Variants in SLC66A1 observed in about 807,000 individuals in gnomAD.
SLC66A1 encodes the protein solute carrier family 66 member 1, also known as lysosomal amino acid transporter 1 homolog.
In SLC66A1, 23 loss-of-function variants were observed where a neutral mutation model predicts 33.0. The ratio of observed to expected loss-of-function variants is 0.70; its 90% CI spans 0.50 to 0.99. SLC66A1 has a LOEUF of 0.99. Ranked by LOEUF, SLC66A1 falls within the 50% of genes least tolerant of loss-of-function variation. The pLI, the probability that SLC66A1 is intolerant of heterozygous loss-of-function variation, is 0.00. For synonymous variants in SLC66A1, 164 were observed against 175.5 expected, an observed-to-expected ratio of 0.93 and a Z score of 0.52; for missense variants, 335 against 383.6, an observed-to-expected ratio of 0.87 and a Z score of 1.06.
rs1328168324 is a variant in SLC66A1 at position 19,328,228 on chromosome 1, T to C, written c.805-344T>C. On this transcript the variant is annotated intron_variant, in intron 7 of 7. Transcript: ENST00000375153. The surrounding 1 kb of genome is among the most constrained non-coding windows in gnomAD (Gnocchi z 4.7). The stretch of plus-strand genomic sequence containing the variant: ...CAGGGAGGGGTGAAAGTTTAGGCTC[T>C]TGTGCCCCAAAACGGCCCAGCCACC... 5 of 455,048 alleles carry C rather than the reference T, an allele frequency of 1.1e-5. No homozygotes were observed. Among genetic ancestry groups the C allele is most frequent in the African/African-American group, 9.9e-5 (5 of 50,262 alleles). 28.2% of individuals were successfully genotyped at this position (455,048 alleles called of 1,614,324 possible).
chr1:19,333,289 C>T (rs2093897271), downstream of SLC66A1, among the ~76,000 whole-genome samples: 1 of 152,118 alleles, frequency 6.6e-6, no homozygotes, highest in Non-Finnish European at 1.5e-5. The surrounding 1 kb of genome is among the most constrained non-coding windows in gnomAD (Gnocchi z 4.2). Flanking sequence ...CTTACTGCAG[C>T]CTCCACCTCC....
intron 4 of SLC66A1, 107 bp from the exon 5 acceptor site, chr1:19,326,138 C>G: frequency 9.1e-7 from 1 of 1,095,278 alleles, no homozygotes; most frequent in South Asian, 1.5e-5. Context: ...GGTCACTTGC[C>G]CAAGGTCACA....
intron 1 of SLC66A1, among the ~76,000 whole-genome samples, chr1:19,316,408 A>G: frequency 6.6e-6 from 1 of 150,442 alleles, no homozygotes; most frequent in African/African-American, 2.5e-5. Context: ...CTTTTAAGAC[A>G]GGGTTCAGCT....
intron 1 of SLC66A1, among the ~76,000 whole-genome samples, chr1:19,317,247 T>TG (rs1261371320): frequency 6.6e-6 from 1 of 152,138 alleles, no homozygotes; most frequent in African/African-American, 2.4e-5. Context: ...CAGCTGTATG[T>TG]GGGAGGCAGC....
In SLC66A1 at chr1:19,326,378, G is replaced by C. The variant is rs77915465; in HGVS notation, c.516G>C (p.Ser172=). 4.4e-6 allele frequency: 7 copies of C among 1,606,576 alleles called. No homozygotes were observed. The highest frequency in any genetic ancestry group is 3.3e-5 in the Admixed American group (2 of 59,788). The change falls in exon 5 of 8, where the codon TCG becomes TCC. Residue 172 remains serine (S), a synonymous_variant. Transcript: ENST00000375153. ...FRGRALLSVE[S]GSKPFTRQEV... ...GGCGGGCGCTCCTGTCCGTGGAGTC[G>C]GGCAGCAAGGTGAGGCGTGGGCGTG... is the stretch of plus-strand genomic sequence containing the variant.
chr1:19,328,850 T>G lies in SLC66A1; in HGVS notation c.*207T>G. 3.3e-6 allele frequency: 2 copies of G among 605,216 alleles called. No individual in the cohort carries two copies. The highest frequency in any genetic ancestry group is 5.8e-6 in the Non-Finnish European group (2 of 343,624). 37.5% of individuals were successfully genotyped at this position (605,216 alleles called of 1,614,324 possible). On this transcript the variant is annotated 3_prime_UTR_variant, in exon 8 of 8. Transcript: ENST00000375153. This position sits in a 1 kb window ranked among gnomAD's most constrained non-coding sequence, Gnocchi z 4.7. ...GGGCTGGAGCGGAGACCCCAGGGCC[T>G]CTCAGGAGACAGTGAGGCTGCCCCT... is the stretch of plus-strand genomic sequence containing the variant.
downstream of SLC66A1, among the ~76,000 whole-genome samples, chr1:19,333,899 CAAACAAAACA>C (rs71008144): frequency 2.8e-3 from 271 of 98,376 alleles, 1 homozygote; most frequent in East Asian, 0.012. This position sits in a 1 kb window ranked among gnomAD's most constrained non-coding sequence, Gnocchi z 4.2. Flanking sequence ...GACCTTGTCT[CAAACAAAACA>C]AAACAAAACA....
intron 2 of SLC66A1, among the ~76,000 whole-genome samples, chr1:19,318,283 C>T (rs889569805): frequency 3.3e-5 from 5 of 152,200 alleles, no homozygotes; most frequent in African/African-American, 1.2e-4. Context: ...AACACAACCT[C>T]TGTCCTCCAG....
At chr1:19,323,984 G>C (rs1004080357) in intron 2 of SLC66A1, among the ~76,000 whole-genome samples, 4 of 152,188 alleles carry the variant, frequency 2.6e-5, no homozygotes, top group Non-Finnish European at 4.4e-5. Context: ...CGCCAGCTTT[G>C]GCCTCGTACC....
At chr1:19,333,117 G>C (rs2093897031), downstream of SLC66A1, among the ~76,000 whole-genome samples, 1 of 152,242 alleles carries the variant, frequency 6.6e-6, no homozygotes, top group Non-Finnish European at 1.5e-5. This position sits in a 1 kb window ranked among gnomAD's most constrained non-coding sequence, Gnocchi z 4.2. Flanking sequence ...CAGCAAAGCA[G>C]AAGGGATGGT....
chr1:19,332,936 C>A (rs1384460076), downstream of SLC66A1, among the ~76,000 whole-genome samples: 1 of 152,218 alleles, frequency 6.6e-6, no homozygotes, highest in Non-Finnish European at 1.5e-5. Context: ...CAGGCACCCC[C>A]AGAGGTCCCC....
intron 2 of SLC66A1, among the ~76,000 whole-genome samples, chr1:19,321,307 C>G (rs2093836285): frequency 6.8e-6 from 1 of 146,452 alleles, no homozygotes; most frequent in South Asian, 2.1e-4. Context: ...TCTTGAGTAA[C>G]TGGGACCACA....
chr1:19,320,574 T>A (rs537390328), intron 2 of SLC66A1, among the ~76,000 whole-genome samples: 2 of 144,610 alleles, frequency 1.4e-5, no homozygotes, highest in Non-Finnish European at 3.0e-5. Context: ...CCACCACGCC[T>A]GGCTAATTTT....
downstream of SLC66A1, among the ~76,000 whole-genome samples, chr1:19,332,508 G>A (rs745659217): frequency 1.6e-4 from 24 of 152,180 alleles, no homozygotes; most frequent in African/African-American, 3.9e-4. Flanking sequence ...AGTGGTTCAC[G>A]CCTGTATTCC....
chr1:19,316,109 G>A (rs1250107650), intron 1 of SLC66A1, among the ~76,000 whole-genome samples: 2 of 152,160 alleles, frequency 1.3e-5, no homozygotes, highest in Non-Finnish European at 2.9e-5. Flanking sequence ...CAGGGTGCCC[G>A]GGTAGCGGGA....
intron 2 of SLC66A1, among the ~76,000 whole-genome samples, chr1:19,323,476 G>A (rs141317121): frequency 0.047 from 7,085 of 151,548 alleles, 219 homozygotes; most frequent in Middle Eastern, 0.072. Flanking sequence ...GTGTGATCTC[G>A]GCTTACTGCA....
At position 19,321,755 on chromosome 1, in the gene SLC66A1, T is replaced by C. The variant is rs548683406; in HGVS notation, c.165-2878T>C. On this transcript the variant is annotated intron_variant, in intron 2 of 7. Transcript: ENST00000375153. ...CAAATTTTTGCATTTTTAGTAAAGA[T>C]GGGGTTTCACCATGTTGGCTAGGCT... 3.0e-3 allele frequency among the ~76,000 whole-genome samples: 456 copies of C among 149,612 alleles called. 43 individuals are homozygous for C. The highest frequency in any genetic ancestry group is 0.011 in the African/African-American group (432 of 39,150).
chr1:19,313,528 A>G (rs2093788881), intron 1 of SLC66A1, among the ~76,000 whole-genome samples: 2 of 152,126 alleles, frequency 1.3e-5, no homozygotes, highest in Admixed American at 6.6e-5. Context: ...GGACAAGGGG[A>G]GAGGAGGAGG....
At chr1:19,323,682 C>G (rs1569779587) in intron 2 of SLC66A1, among the ~76,000 whole-genome samples, 1 of 143,054 alleles carries the variant, frequency 7.0e-6, no homozygotes, top group African/African-American at 2.5e-5. Context: ...GTTGGGATTG[C>G]AGGTGTGAGC....
Sources: allele counts gnomAD v4.1 joint callset (sites outside exome capture counted in the v4.1 genomes callset), GRCh38; gene constraint gnomAD v4.1.1; non-coding constraint Gnocchi (gnomAD v3.1); transcripts MANE v1.5; gene names NCBI Gene and HGNC (gene_info 2026-07-23, HGNC 2026-07-21).